The following KIF5A variants were observed in gnomAD, a reference collection of about 807,000 sequenced individuals.
KIF5A encodes the protein kinesin family member 5A, also known as kinesin heavy chain isoform 5A.
A neutral mutation model predicts 141.3 loss-of-function variants in KIF5A; 35 were observed. The observed-to-expected ratio is 0.25, with a 90% CI of 0.19 to 0.33. The LOEUF is 0.33. Among genes scored for constraint, KIF5A ranks in the 10% least tolerant of loss-of-function variants. KIF5A has a pLI of 1.00. For missense variants in KIF5A, 861 were observed against 1,314.3 expected (o/e 0.66, Z 5.33); for synonymous variants, 448 against 500.2 (o/e 0.90, Z 1.39).
In KIF5A at chr12:57,581,066, G is replaced by A; in HGVS notation, c.2649G>A (p.Lys883=). ...TGGAGGGTGCACTGAAGGAGGCCAA[G>A]GAGGGCGCCATGAAGGACAAGCGCC... ...KALEGALKEA[K]EGAMKDKRRY... is the part of the protein sequence containing the mutation. Residue 883 remains lysine, a synonymous_variant, in exon 24 of 29, where the codon AAG becomes AAA. Transcript: ENST00000455537. 6.2e-7 allele frequency: 1 copy of A among 1,614,142 alleles called. No homozygotes were observed.
chr12:57,575,438 A>C (rs1882391307), intron 16 of KIF5A, among the ~76,000 whole-genome samples, 166 bp downstream of exon 16: 2 of 152,200 alleles, frequency 1.3e-5, no homozygotes, highest in South Asian at 4.1e-4. Flanking sequence ...GGGCCAAAAA[A>C]GTAAAGGCTC....
chr12:57,561,253 T>A lies in KIF5A; in HGVS notation c.130-2186T>A, dbSNP rs899715691. On this transcript the variant is annotated intron_variant, in intron 1 of 28. Coordinates refer to ENST00000455537, the MANE Select transcript of KIF5A (RefSeq NM_004984.4). ...TGGGGTTTCACCATGTTGCCCAGTC[T>A]GGTCTTAAACTCCTGACCTCAAGTA... Among the ~76,000 whole-genome samples, 7 of 152,198 alleles carry A rather than the reference T, an allele frequency of 4.6e-5. No individual in the cohort carries two copies. In the South Asian group the frequency reaches 1.0e-3, roughly 23 times the overall value.
At chr12:57,569,943 G>C (rs1565699196) in intron 11 of KIF5A, 44 bp from the exon 12 acceptor site, 1 of 1,599,722 alleles carries the variant, frequency 6.3e-7, no homozygotes, top group East Asian at 2.2e-5. Context: ...CGTGGATGCA[G>C]CTTCTTCTTC....
intron 1 of KIF5A, among the ~76,000 whole-genome samples, chr12:57,558,039 A>C (rs978752128): frequency 6.6e-6 from 1 of 152,222 alleles, no homozygotes; most frequent in African/African-American, 2.4e-5. Context: ...TACATTTATA[A>C]GCAAATACAT....
At position 57,572,313 on chromosome 12, in the gene KIF5A, T is replaced by A. The variant is rs371516715; in HGVS notation, c.1569+46T>A. The A allele has an allele frequency of 1.4e-5, 22 of 1,539,482 alleles. No homozygotes were observed. The highest frequency in any genetic ancestry group is 1.6e-5 in the Non-Finnish European group (18 of 1,135,090). On this transcript the variant is annotated intron_variant, in intron 14 of 28. Coordinates refer to ENST00000455537, the MANE Select transcript of KIF5A (RefSeq NM_004984.4). This position sits in a 1 kb window ranked among gnomAD's most constrained non-coding sequence, Gnocchi z 4.2. ...CCAACAGCTCCCTGACCACAGAACA[T>A]CTCCCATGTCGAGGGGACCTCTGCA...
chr12:57,556,146 T>G (rs1262292169), intron 1 of KIF5A, among the ~76,000 whole-genome samples: 1 of 148,838 alleles, frequency 6.7e-6, no homozygotes, highest in Non-Finnish European at 1.5e-5. Context: ...TTGGGTATCT[T>G]TTTTTTTTTT....
chr12:57,550,219 A>G lies in KIF5A; in HGVS notation c.-53A>G. Reference sequence around the variant, plus strand: ...TGCTGAGAGCCCTCTCCTCTGGAGCACACACCACCCCTGCAGCCCAAGAAG... The same window carrying G: ...TGCTGAGAGCCCTCTCCTCTGGAGCGCACACCACCCCTGCAGCCCAAGAAG... On this transcript the variant is annotated 5_prime_UTR_variant, in exon 1 of 29. Coordinates refer to ENST00000455537, the MANE Select transcript of KIF5A (RefSeq NM_004984.4). This position sits in a 1 kb window ranked among gnomAD's most constrained non-coding sequence, Gnocchi z 4.6. 6.2e-7 allele frequency: 1 copy of G among 1,612,060 alleles called. No homozygotes were observed. The highest frequency in any genetic ancestry group is 8.5e-7 in the Non-Finnish European group (1 of 1,179,608).
chr12:57,559,406 T>G (rs990752357), intron 1 of KIF5A, among the ~76,000 whole-genome samples: 2 of 152,190 alleles, frequency 1.3e-5, no homozygotes, highest in South Asian at 4.1e-4. Context: ...CTTTCATAGG[T>G]AAAAATGGTG....
intron 15 of KIF5A, among the ~76,000 whole-genome samples, chr12:57,573,191 AAAAAC>A (rs199528922): frequency 3.9e-5 from 6 of 152,260 alleles, no homozygotes; most frequent in Non-Finnish European, 8.8e-5. Context: ...ACTCTGCCTT[AAAAAC>A]AAAACAAAAC....
Position 57,570,632 on chromosome 12 carries a change from G to A in KIF5A, c.1293+470G>A, listed in dbSNP as rs889545525. 3.3e-5 allele frequency among the ~76,000 whole-genome samples: 5 copies of A among 152,098 alleles called. No homozygotes were observed. The East Asian group carries it at 7.7e-4, about 23-fold the overall frequency. On this transcript the variant is annotated intron_variant, in intron 12 of 28. Transcript: ENST00000455537. The stretch of plus-strand genomic sequence containing the variant: ...TAGGCTGACCTCTGGCGATCCGCCC[G>A]CCTCGGCCCCCTGAAGTGCTTGGAT...
intron 1 of KIF5A, among the ~76,000 whole-genome samples, chr12:57,552,200 G>A (rs1043996687): frequency 5.3e-5 from 8 of 152,138 alleles, no homozygotes; most frequent in African/African-American, 1.9e-4. Flanking sequence ...GCTCTGGGAG[G>A]TTTTTCCAGT....
chr12:57,555,767 G>T (rs1357983030), intron 1 of KIF5A, among the ~76,000 whole-genome samples: 1 of 142,394 alleles, frequency 7.0e-6, no homozygotes, highest in East Asian at 2.2e-4. Flanking sequence ...AAATTAGCCG[G>T]GCGTGGTGGT....
chr12:57,569,078 C>T lies in KIF5A; in HGVS notation c.819+11C>T, dbSNP rs993330230. ...CTGGCTGAGGGCACTGTGAGTGATC[C>T]TTAGGTCCCCTCACCCCTCAAGCCA... On this transcript the variant is annotated intron_variant, in intron 9 of 28. Transcript: ENST00000455537. 1.4e-5 allele frequency: 23 copies of T among 1,603,538 alleles called. No individual in the cohort carries two copies. The highest frequency in any genetic ancestry group is 1.9e-5 in the Non-Finnish European group (22 of 1,170,812).
At chr12:57,554,920 C>G (rs1408611969) in intron 1 of KIF5A, among the ~76,000 whole-genome samples, 1 of 152,202 alleles carries the variant, frequency 6.6e-6, no homozygotes, top group African/African-American at 2.4e-5. Context: ...CAAGCACTTC[C>G]CACCATGCCC....
chr12:57,554,414 A>G (rs1181124119), intron 1 of KIF5A, among the ~76,000 whole-genome samples: 2 of 152,232 alleles, frequency 1.3e-5, no homozygotes, highest in African/African-American at 4.8e-5. Flanking sequence ...TATTATCACT[A>G]TTTTATATGC....
chr12:57,576,277 G>A lies in KIF5A; in HGVS notation c.2097G>A (p.Leu699=), dbSNP rs1388662943. Residue 699 remains leucine, a synonymous_variant, in exon 19 of 29, where the codon CTG becomes CTA. Transcript: ENST00000455537. ...TQDADEVKKA[L]ELQMESHREA... ...GGTGGGGTTGTTTGCAGAAGGCTCT[G>A]GAGCTGCAGATGGAGAGTCACCGGG... 5 of 1,614,028 alleles carry A rather than the reference G, an allele frequency of 3.1e-6. No individual in the cohort carries two copies. The African/African-American group carries it at 4.0e-5, about 13-fold the overall frequency.
chr12:57,585,849 C>A lies in KIF5A; in HGVS notation c.*1668C>A, dbSNP rs60077981. ...AAAGCAGTGATTTTTAAATGTTTTT[C>A]AAAAACAAATCTTACATAGAACCCC... On this transcript the variant is annotated 3_prime_UTR_variant, in exon 29 of 29. Coordinates refer to ENST00000455537, the MANE Select transcript of KIF5A (RefSeq NM_004984.4). 2 of 149,782 alleles carry A rather than the reference C, an allele frequency of 1.3e-5. No individual in the cohort carries two copies. Among genetic ancestry groups the A allele is most frequent in the African/African-American group, 4.9e-5 (2 of 40,658 alleles). 9.3% of individuals were successfully genotyped at this position (149,782 alleles called of 1,614,324 possible). A position where few individuals can be genotyped will look rare whatever the true frequency, so the allele number is the denominator to read the frequency against.
intron 25 of KIF5A, 39 bp downstream of exon 25, chr12:57,581,607 G>A (rs767233121): frequency 6.2e-7 from 1 of 1,610,438 alleles, no homozygotes; most frequent in South Asian, 1.1e-5. Context: ...CCCACCCAAA[G>A]CTCCCTGGAC....
Position 57,564,143 on chromosome 12 carries a change from T to G in KIF5A, c.327T>G (p.Ile109Met), listed in dbSNP as rs777103564. The G allele has an allele frequency of 7.4e-6, 12 of 1,613,944 alleles. No homozygotes were observed. Among genetic ancestry groups the G allele is most frequent in the African/African-American group, 4.0e-5 (3 of 74,922 alleles). The change falls in exon 4 of 29, where the codon ATT (isoleucine) becomes ATG (methionine). Residue 109 changes from isoleucine (I) to methionine (M), a missense_variant. This residue lies in a region of KIF5A where 146 missense variants were observed against 353.4 expected (regional missense o/e 0.41). Coordinates refer to ENST00000455537, the MANE Select transcript of KIF5A (RefSeq NM_004984.4). ...ACGACCCTCAGCTGATGGGAATCAT[T>G]CCTCGAATTGCCCGAGACATCTTCA... is the stretch of plus-strand genomic sequence containing the variant. ...KLHDPQLMGIIPRIARDIFNH... is the reference protein window; with the variant it reads ...KLHDPQLMGIMPRIARDIFNH...
Sources: gnomAD v4.1 joint callset for allele counts (sites outside exome capture counted in the v4.1 genomes callset) on GRCh38, gnomAD v4.1.1 for gene constraint, gnomAD v4.1.1 regional missense constraint, Gnocchi (gnomAD v3.1) non-coding constraint, MANE v1.5 for transcripts, NCBI Gene and HGNC (gene_info 2026-07-23, HGNC 2026-07-21) for gene names.